GALNT7: variants seen among roughly 807,000 people sequenced by gnomAD.
The protein encoded by GALNT7 is polypeptide N-acetylgalactosaminyltransferase 7, also known as N-acetylgalactosaminyltransferase 7.
In GALNT7, 60 loss-of-function variants were observed where a neutral mutation model predicts 82.1. The ratio of observed to expected loss-of-function variants is 0.73; its 90% CI spans 0.59 to 0.91. GALNT7 has a LOEUF of 0.91. Among genes scored for constraint, GALNT7 ranks in the 40% least tolerant of loss-of-function variants. The pLI is 0.00. For missense variants in GALNT7, 660 were observed against 804.2 expected (o/e 0.82, Z 2.17); for synonymous variants, 243 against 275.1 (o/e 0.88, Z 1.15).
intron 1 of GALNT7, among the ~76,000 whole-genome samples, chr4:173,216,589 A>G (rs566932561): frequency 6.6e-6 from 1 of 151,128 alleles, no homozygotes; most frequent in South Asian, 2.1e-4. Flanking sequence ...AACATTCAGT[A>G]TTTGGCTCTC....
chr4:173,203,508 A>G (rs1733003933), intron 1 of GALNT7, among the ~76,000 whole-genome samples: 2 of 152,238 alleles, frequency 1.3e-5, no homozygotes, highest in East Asian at 1.9e-4. Flanking sequence ...TATGTTCACT[A>G]CTTCCTGGTT....
At chr4:173,195,600 C>G (rs1043003818) in intron 1 of GALNT7, among the ~76,000 whole-genome samples, 3 of 152,206 alleles carry the variant, frequency 2.0e-5, no homozygotes, top group African/African-American at 4.8e-5. Context: ...TCTAGGAACA[C>G]TAGATCCTGA....
chr4:173,249,494 G>A (rs1402258984), intron 2 of GALNT7, among the ~76,000 whole-genome samples: 1 of 152,202 alleles, frequency 6.6e-6, no homozygotes, highest in Non-Finnish European at 1.5e-5. Flanking sequence ...GTGCAGCAGT[G>A]TGATGGTGAG....
chr4:173,206,368 G>A (rs1206229878), intron 1 of GALNT7, among the ~76,000 whole-genome samples: 1 of 152,156 alleles, frequency 6.6e-6, no homozygotes, highest in Non-Finnish European at 1.5e-5. Context: ...TAGTTCTTGT[G>A]AAAGGTGTTT....
intron 1 of GALNT7, among the ~76,000 whole-genome samples, chr4:173,182,661 T>TAC (rs60501649): frequency 0.13 from 16,912 of 133,346 alleles, 1,186 homozygotes; most frequent in African/African-American, 0.16. Context: ...TTACTCATAA[T>TAC]ACACACACAC....
rs751068028 is a variant in GALNT7 at position 173,295,781 on chromosome 4, T to A, written c.903T>A (p.Asp301Glu). The A allele has an allele frequency of 6.2e-7, 1 of 1,607,978 alleles. No individual in the cohort carries two copies. Among genetic ancestry groups the A allele is most frequent in the South Asian group, 1.1e-5 (1 of 90,934 alleles). Residue 301 changes from aspartate (D) to glutamate (E), a missense_variant, in exon 5 of 12, where the codon GAT becomes GAA. This residue lies in a region of GALNT7 where 527 missense variants were observed against 683.5 expected (regional missense o/e 0.77). Coordinates refer to ENST00000265000, the MANE Select transcript of GALNT7 (RefSeq NM_017423.3). ...TTTTTAAGGTTTTGATATACCTTGA[T>A]GCCCACTGTGAGGTGGCAGTTAACT... ...AKLGQVLIYL[D>E]AHCEVAVNWY...
At chr4:173,200,985 T>C (rs1214434381) in intron 1 of GALNT7, among the ~76,000 whole-genome samples, 1 of 152,152 alleles carries the variant, frequency 6.6e-6, no homozygotes, top group Non-Finnish European at 1.5e-5. Context: ...TTCATAGAGG[T>C]ATTTAATTCT....
At chr4:173,270,766 A>T (rs1735693343) in intron 2 of GALNT7, among the ~76,000 whole-genome samples, 1 of 152,316 alleles carries the variant, frequency 6.6e-6, no homozygotes, top group South Asian at 2.1e-4. Context: ...CTTGTAAAAG[A>T]TTTCTTCCAG....
At chr4:173,318,402 T>C (rs1360848702) in intron 10 of GALNT7, 29 bp from the exon 11 acceptor site, 5 of 1,573,566 alleles carry the variant, frequency 3.2e-6, no homozygotes, top group Non-Finnish European at 4.3e-6. Context: ...GGTGCCTCTG[T>C]TACTTAATTC....
intron 2 of GALNT7, among the ~76,000 whole-genome samples, chr4:173,291,875 C>A (rs1736546265): frequency 6.6e-6 from 1 of 151,054 alleles, no homozygotes; most frequent in East Asian, 1.9e-4. Context: ...CAAATTAAGT[C>A]TTTTTATTAC....
At chr4:173,263,755 G>A (rs190601703) in intron 2 of GALNT7, among the ~76,000 whole-genome samples, 45 of 152,286 alleles carry the variant, frequency 3.0e-4, no homozygotes, top group African/African-American at 1.0e-3. Flanking sequence ...TATAATATCA[G>A]TATTTTGTAA....
chr4:173,172,401 T>C (rs1238693845), intron 1 of GALNT7, among the ~76,000 whole-genome samples: 2 of 152,226 alleles, frequency 1.3e-5, no homozygotes, highest in African/African-American at 4.8e-5. Context: ...GCTGCCATTT[T>C]GCCTATTAGT....
At chr4:173,216,727 A>ATATTT (rs71244915) in intron 1 of GALNT7, among the ~76,000 whole-genome samples, 4 of 12,976 alleles carry the variant, frequency 3.1e-4, no homozygotes, top group African/African-American at 1.1e-3. Context: ...ATATATATAT[A>ATATTT]TTTTTTTTTT....
rs1326541773 is a variant in GALNT7, at chr4:173,168,903, T to G, written c.68T>G (p.Val23Gly). 5 of 1,613,482 alleles carry G rather than the reference T, an allele frequency of 3.1e-6. No individual in the cohort carries two copies. The highest frequency in any genetic ancestry group is 4.2e-6 in the Non-Finnish European group (5 of 1,179,606). ...GTGGGAAGCTTCCTGGGGCTAGTGG[T>G]CCTCTGGTCTTCCCTGACCCCGCGG... ...LVVGSFLGLV[V>G]LWSSLTPRPD... The change falls in exon 1 of 12, where the codon GTC (valine) becomes GGC (glycine). Residue 23 changes from valine (V) to glycine (G), a missense_variant. Physicochemically the swap from Val to Gly is moderately radical, Grantham distance 109 (BLOSUM62 -3). This residue lies in a region of GALNT7 where 133 missense variants were observed against 120.7 expected (regional missense o/e 1.10). Transcript: ENST00000265000.
intron 1 of GALNT7, among the ~76,000 whole-genome samples, chr4:173,185,035 T>A (rs1249422748): frequency 6.6e-6 from 1 of 152,254 alleles, no homozygotes; most frequent in African/African-American, 2.4e-5. Context: ...CCAGTACTGA[T>A]ATTCCTGTTT....
intron 2 of GALNT7, among the ~76,000 whole-genome samples, chr4:173,272,271 C>G (rs1238703160): frequency 6.6e-6 from 1 of 152,098 alleles, no homozygotes; most frequent in Non-Finnish European, 1.5e-5. Context: ...TATCTGTAGA[C>G]CATTAGAAAT....
intron 1 of GALNT7, 105 bp from the exon 2 acceptor site, chr4:173,247,875 T>C (rs1440354815): frequency 1.5e-6 from 1 of 662,150 alleles, no homozygotes; most frequent in Non-Finnish European, 2.6e-6. Flanking sequence ...CAAACTGTTT[T>C]ATTGTTGCCT....
At position 173,292,190 on chromosome 4, in the gene GALNT7, A is replaced by C. The variant is rs1425176728; in HGVS notation, c.670A>C (p.Met224Leu). 6.2e-7 allele frequency: 1 copy of C among 1,605,632 alleles called. No homozygotes were observed. The highest frequency in any genetic ancestry group is 8.5e-7 in the Non-Finnish European group (1 of 1,173,930). ...VFHNEGWSTL[M>L]RTVHSVIKRT... ...CCATAATGAAGGATGGTCAACCCTC[A>C]TGAGAACAGTCCACAGTGTAATTAA... The change falls in exon 3 of 12, where the codon ATG becomes CTG. Residue 224 changes from methionine to leucine, a missense_variant. Transcript: ENST00000265000. The surrounding 1 kb of genome is among the most constrained non-coding windows in gnomAD (Gnocchi z 4.8).
intron 1 of GALNT7, among the ~76,000 whole-genome samples, chr4:173,206,990 A>G (rs1016522736): frequency 6.6e-6 from 1 of 152,214 alleles, no homozygotes; most frequent in Non-Finnish European, 1.5e-5. Context: ...GGCCATCACC[A>G]GCTTCCCATT....
Sources: gnomAD v4.1 joint callset for allele counts (sites outside exome capture counted in the v4.1 genomes callset) on GRCh38, gnomAD v4.1.1 for gene constraint, gnomAD v4.1.1 regional missense constraint, Gnocchi (gnomAD v3.1) non-coding constraint, MANE v1.5 for transcripts, NCBI Gene and HGNC (gene_info 2026-07-23, HGNC 2026-07-21) for gene names.